Variants in NHSL2 observed in about 807,000 individuals in gnomAD.
NHSL2 encodes the protein NHS-like protein 2.
NHSL2 carries 27 observed loss-of-function variants against 53.4 expected under a neutral mutation model. The ratio of observed to expected loss-of-function variants is 0.51; its 90% CI spans 0.37 to 0.70. The LOEUF (loss-of-function observed/expected upper bound fraction) is 0.70. Among genes scored for constraint, NHSL2 ranks in the 30% least tolerant of loss-of-function variants. The pLI is 0.00. For synonymous variants in NHSL2, 408 were observed against 404.1 expected (o/e 1.01, Z -0.12); for missense variants, 892 against 980.1 (o/e 0.91, Z 1.20).
At chrX:72,092,185 A>G (rs7474364) in intron 1 of NHSL2, among the ~76,000 whole-genome samples, 14,355 of 111,103 alleles carry the variant, frequency 0.13, 1,263 homozygotes, top group African/African-American at 0.31. Context: ...TAAGTGTAAG[A>G]ATTAATGCAT....
chrX:71,980,569 GGTGTGTGT>G (rs60984696), intron 1 of NHSL2, among the ~76,000 whole-genome samples: 5 of 2,008 alleles, frequency 2.5e-3, no homozygotes, highest in African/African-American at 6.1e-3. Flanking sequence ...GGGTGTGTGG[GGTGTGTGT>G]GTGTGTGTGT....
At chrX:71,925,716 A>G (rs1303944425) in intron 1 of NHSL2, among the ~76,000 whole-genome samples, 2 of 112,069 alleles carry the variant, frequency 1.8e-5, no homozygotes, top group Non-Finnish European at 3.8e-5. Flanking sequence ...CTGACAATAT[A>G]TACATCATTA....
At chrX:71,938,537 G>A (rs1056862972) in intron 1 of NHSL2, among the ~76,000 whole-genome samples, 2 of 112,388 alleles carry the variant, frequency 1.8e-5, no homozygotes, top group Non-Finnish European at 3.8e-5. Context: ...GGTGGGATTG[G>A]ATTTTGTGCA....
chrX:72,056,653 C>A lies in NHSL2; in HGVS notation c.281-75426C>A, dbSNP rs2042371625. On this transcript the variant is annotated intron_variant, in intron 1 of 7. Transcript: ENST00000633930. ...TTACTCCTTATTGGTATCCCAAGTA[C>A]CTTGGTATGTAATAGATAATAAATA... Among the ~76,000 whole-genome samples, 5 of 111,533 alleles carry A rather than the reference C, an allele frequency of 4.5e-5. No individual in the cohort carries two copies. In the South Asian group the frequency reaches 1.9e-3, roughly 42 times the overall value.
At chrX:72,043,455 T>C in intron 1 of NHSL2, among the ~76,000 whole-genome samples, 1 of 111,586 alleles carries the variant, frequency 9.0e-6, no homozygotes, top group South Asian at 3.8e-4. Context: ...TAGACAATGT[T>C]ACCATCCCCA....
chrX:71,967,178 C>G (rs2041904778), intron 1 of NHSL2, among the ~76,000 whole-genome samples: 1 of 111,137 alleles, frequency 9.0e-6, no homozygotes, highest in South Asian at 3.8e-4. Flanking sequence ...TTTGTGTTCT[C>G]TTTTTTTCTT....
intron 1 of NHSL2, among the ~76,000 whole-genome samples, chrX:71,997,883 G>C (rs1205188704): frequency 9.0e-6 from 1 of 111,490 alleles, no homozygotes; most frequent in Non-Finnish European, 1.9e-5. Flanking sequence ...CTTAGGATGG[G>C]AGCTGGCACT....
chrX:72,100,818 T>C (rs1165960666), intron 1 of NHSL2, among the ~76,000 whole-genome samples: 3 of 112,143 alleles, frequency 2.7e-5, no homozygotes, highest in East Asian at 2.8e-4. Context: ...GCCAAAAAGG[T>C]TGGGGACTGC....
Position 72,144,446 on chromosome X carries a change from C to T in NHSL2, c.*872C>T, listed in dbSNP as rs1393827911. 1.2e-6 allele frequency: 1 copy of T among 852,302 alleles called. No individual in the cohort carries two copies. Among genetic ancestry groups the T allele is most frequent in the East Asian group, 6.4e-5 (1 of 15,568 alleles). 70.2% of individuals were successfully genotyped at this position (852,302 alleles called of 1,213,427 possible). ...ATCTGCGCCCAGCTCATGCTGCATTCTAAGAACTCTCATTTCATTTGCATA... is the reference window on the plus strand; with the variant it reads ...ATCTGCGCCCAGCTCATGCTGCATTTTAAGAACTCTCATTTCATTTGCATA... On this transcript the variant is annotated 3_prime_UTR_variant, in exon 8 of 8. Coordinates refer to ENST00000633930, the MANE Select transcript of NHSL2 (RefSeq NM_001013627.3).
chrX:72,113,954 G>A (rs925617379), intron 1 of NHSL2, among the ~76,000 whole-genome samples: 2 of 112,222 alleles, frequency 1.8e-5, no homozygotes, highest in Non-Finnish European at 3.8e-5. Context: ...GCCTCTGACT[G>A]CCCACAGGCT....
chrX:71,935,815 G>C (rs933699043), intron 1 of NHSL2, among the ~76,000 whole-genome samples: 1 of 112,202 alleles, frequency 8.9e-6, no homozygotes, highest in Non-Finnish European at 1.9e-5. Flanking sequence ...CTGGGAAGCT[G>C]CCTGTTGGCT....
In NHSL2 at chrX:72,134,136, C is replaced by A. The variant is rs188277274; in HGVS notation, c.482C>A (p.Thr161Asn). Residue 161 changes from threonine to asparagine, a missense_variant, in exon 3 of 8, where the codon ACC becomes AAC. Physicochemically the swap from Thr to Asn is moderately conservative, Grantham distance 65. Coordinates refer to ENST00000633930, the MANE Select transcript of NHSL2 (RefSeq NM_001013627.3). The part of the protein sequence containing the change: ...QYSEARLVGQ[T>N]FRSSDEATKP... ...TCGGAGGCCAGACTTGTGGGGCAGA[C>A]CTTCCGCTCTTCTGATGAGGCCACT... 47 of 1,164,883 alleles carry A rather than the reference C, an allele frequency of 4.0e-5. 1 individual carries two copies. In the Admixed American group the frequency reaches 1.2e-3, roughly 29 times the overall value.
intron 1 of NHSL2, among the ~76,000 whole-genome samples, chrX:72,093,963 G>A (rs1194014420): frequency 9.1e-6 from 1 of 109,949 alleles, no homozygotes; most frequent in Admixed American, 9.8e-5. Flanking sequence ...TGTATTTTTA[G>A]TAGAGACGGG....
chrX:71,975,145 C>T (rs767456526), intron 1 of NHSL2, among the ~76,000 whole-genome samples: 253 of 111,586 alleles, frequency 2.3e-3, no homozygotes, highest in South Asian at 9.9e-3. Context: ...TGTGCCCTGG[C>T]GACACTCCGC....
At chrX:72,074,544 T>G (rs1384855649) in intron 1 of NHSL2, among the ~76,000 whole-genome samples, 3 of 112,271 alleles carry the variant, frequency 2.7e-5, no homozygotes, top group Non-Finnish European at 5.6e-5. Context: ...CCCTGGGGAT[T>G]GGGGCCAATC....
chrX:72,128,172 G>T (rs2042246380), intron 1 of NHSL2: 1 of 112,046 alleles, frequency 8.9e-6, no homozygotes, highest in South Asian at 3.7e-4. Context: ...ACCTCCCACT[G>T]ATGAATAGAG....
intron 1 of NHSL2, chrX:72,130,567 A>G (rs751129731): frequency 5.0e-6 from 6 of 1,211,409 alleles, no homozygotes; most frequent in South Asian, 3.5e-5. Context: ...AGGGAAGATG[A>G]TATTTCGAAC....
chrX:72,039,051 C>T (rs1271356684), intron 1 of NHSL2, among the ~76,000 whole-genome samples: 1 of 107,314 alleles, frequency 9.3e-6, no homozygotes, highest in Non-Finnish European at 1.9e-5. Flanking sequence ...TTCCCTTTTC[C>T]TTCCCTTCTC....
In NHSL2 at chrX:72,149,168, A is replaced by G. The variant is rs1245057211; in HGVS notation, c.*5594A>G. 2 of 109,933 alleles carry G rather than the reference A, an allele frequency of 1.8e-5. No homozygotes were observed. The highest frequency in any genetic ancestry group is 6.6e-5 in the African/African-American group (2 of 30,132). 9.1% of individuals were successfully genotyped at this position (109,933 alleles called of 1,213,427 possible). A position where few individuals can be genotyped will look rare whatever the true frequency, so the allele number is the denominator to read the frequency against. On this transcript the variant is annotated 3_prime_UTR_variant, in exon 8 of 8. Coordinates refer to ENST00000633930, the MANE Select transcript of NHSL2 (RefSeq NM_001013627.3). ...TGCTCAACCTGCAAAATCTTTGATT[A>G]GACTTAGCCAGCCCATCTGGCCTGC...
Sources: allele counts gnomAD v4.1 joint callset (sites outside exome capture counted in the v4.1 genomes callset), GRCh38; gene constraint gnomAD v4.1.1; transcripts MANE v1.5; gene names NCBI Gene and HGNC (gene_info 2026-07-23, HGNC 2026-07-21).